The following SMOC2 variants were observed in gnomAD, a reference collection of about 807,000 sequenced individuals.
The protein encoded by SMOC2 is SPARC-related modular calcium-binding protein 2.
SMOC2 carries 39 observed loss-of-function variants against 61.4 expected under a neutral mutation model. That is an observed-to-expected ratio of 0.64 (90% CI 0.49 to 0.83). The LOEUF is 0.83. SMOC2 is among the 40% of genes least tolerant of loss of function. SMOC2 has a pLI of 0.00. For synonymous variants in SMOC2, 247 were observed against 239.9 expected, an observed-to-expected ratio of 1.03 and a Z score of -0.27; for missense variants, 556 against 592.9, an observed-to-expected ratio of 0.94 and a Z score of 0.65.
At chr6:168,547,642 A>G (rs1327215471) in intron 6 of SMOC2, among the ~76,000 whole-genome samples, 1 of 152,094 alleles carries the variant, frequency 6.6e-6, no homozygotes, top group African/African-American at 2.4e-5. Context: ...CCCTGAAGTA[A>G]CTGTGAGATG....
chr6:168,581,756 G>A (rs1006779205), intron 7 of SMOC2, among the ~76,000 whole-genome samples: 1 of 152,126 alleles, frequency 6.6e-6, no homozygotes, highest in Non-Finnish European at 1.5e-5. Flanking sequence ...CTGAAAAGCC[G>A]CAGACCTGCC....
intron 11 of SMOC2, among the ~76,000 whole-genome samples, chr6:168,660,612 G>A (rs993505051): frequency 1.4e-4 from 21 of 152,228 alleles, no homozygotes; most frequent in Non-Finnish European, 1.8e-4. Context: ...CCACCATGCC[G>A]CCCTGGGCGG....
intron 4 of SMOC2, among the ~76,000 whole-genome samples, chr6:168,533,797 T>A (rs1169969411): frequency 6.6e-6 from 1 of 152,130 alleles, no homozygotes; most frequent in East Asian, 1.9e-4. Context: ...GTGAAAGAAA[T>A]TTAAAAGAAA....
intron 1 of SMOC2, among the ~76,000 whole-genome samples, chr6:168,457,722 C>G (rs928274925): frequency 3.3e-5 from 5 of 152,154 alleles, no homozygotes; most frequent in African/African-American, 9.7e-5. Context: ...GGGGCTGGTC[C>G]TAATGGAAAT....
At chr6:168,552,897 C>T (rs938574311) in intron 7 of SMOC2, among the ~76,000 whole-genome samples, 12 of 150,812 alleles carry the variant, frequency 8.0e-5, no homozygotes, top group Admixed American at 3.3e-4. Context: ...CCTCACTGTC[C>T]TCCGAGATGC....
intron 4 of SMOC2, among the ~76,000 whole-genome samples, chr6:168,542,652 G>A (rs978421243): frequency 9.2e-5 from 14 of 152,070 alleles, no homozygotes; most frequent in African/African-American, 3.1e-4. Flanking sequence ...CTGTGACCTC[G>A]AGGCAGTGTC....
chr6:168,571,463 A>G (rs1281156256), intron 7 of SMOC2, among the ~76,000 whole-genome samples: 1 of 152,072 alleles, frequency 6.6e-6, no homozygotes, highest in Non-Finnish European at 1.5e-5. Flanking sequence ...GGACACAGGG[A>G]TCCTGAACGT....
intron 2 of SMOC2, among the ~76,000 whole-genome samples, chr6:168,519,813 C>T (rs1267720940): frequency 6.6e-6 from 1 of 152,196 alleles, no homozygotes; most frequent in African/African-American, 2.4e-5. Flanking sequence ...TGGGCATGAT[C>T]TGTGGTTTCT....
chr6:168,612,217 G>A (rs34031090), intron 9 of SMOC2, among the ~76,000 whole-genome samples: 29,087 of 134,198 alleles, frequency 0.22, 3,611 homozygotes, highest in Non-Finnish European at 0.23. Context: ...GATCTCCATC[G>A]GGGAGAGGGT....
chr6:168,580,079 G>T (rs1784888983), intron 7 of SMOC2, among the ~76,000 whole-genome samples: 1 of 147,616 alleles, frequency 6.8e-6, no homozygotes. Flanking sequence ...GTCTGTCTTT[G>T]TCACGGCTTA....
At chr6:168,571,350 C>G (rs1231077055) in intron 7 of SMOC2, among the ~76,000 whole-genome samples, 1 of 152,138 alleles carries the variant, frequency 6.6e-6, no homozygotes, top group Non-Finnish European at 1.5e-5. Flanking sequence ...GCACCTGTGC[C>G]GCCATGCCTG....
chr6:168,464,185 T>G (rs1342499179), intron 1 of SMOC2, among the ~76,000 whole-genome samples: 2 of 17,824 alleles, frequency 1.1e-4, no homozygotes, highest in Non-Finnish European at 1.7e-4. Flanking sequence ...AGCAAGACTG[T>G]CAAAAAAAAA....
intron 9 of SMOC2, among the ~76,000 whole-genome samples, chr6:168,648,821 G>T (rs1583186211): frequency 1.3e-5 from 2 of 152,336 alleles, no homozygotes; most frequent in Admixed American, 6.5e-5. Context: ...CAGCTCACGT[G>T]TGCTTCAAGA....
rs547956149 is a variant in SMOC2 at position 168,501,128 on chromosome 6, T to C, written c.85-8787T>C. ...CGTTGTCATTGCCAGAGATAATTAT[T>C]GCATTAATGTAACACCATCCTCATC... On this transcript the variant is annotated intron_variant, in intron 1 of 12. Coordinates refer to ENST00000356284, the MANE Select transcript of SMOC2 (RefSeq NM_001166412.2). Among the ~76,000 whole-genome samples, 62 of 152,316 alleles carry C rather than the reference T, an allele frequency of 4.1e-4. 1 individual carries two copies. The highest frequency in any genetic ancestry group is 1.4e-3 in the African/African-American group (58 of 41,564).
At chr6:168,513,859 C>A (rs573668724) in intron 2 of SMOC2, among the ~76,000 whole-genome samples, 1 of 152,330 alleles carries the variant, frequency 6.6e-6, no homozygotes, top group South Asian at 2.1e-4. Flanking sequence ...TGGGAAGTGA[C>A]TGGCCTGCTT....
chr6:168,607,213 C>T (rs1785720138), intron 8 of SMOC2, among the ~76,000 whole-genome samples: 1 of 152,020 alleles, frequency 6.6e-6, no homozygotes, highest in Admixed American at 6.5e-5. Flanking sequence ...GGCAGGTTCT[C>T]ATGGTGGCCC....
intron 1 of SMOC2, among the ~76,000 whole-genome samples, chr6:168,481,225 C>T (rs1299386084): frequency 6.6e-6 from 1 of 152,028 alleles, no homozygotes; most frequent in Non-Finnish European, 1.5e-5. Flanking sequence ...ATTTTGTTTC[C>T]TACACAATTT....
chr6:168,606,804 T>G (rs1296335750), intron 8 of SMOC2, among the ~76,000 whole-genome samples: 1 of 152,026 alleles, frequency 6.6e-6, no homozygotes, highest in African/African-American at 2.4e-5. Flanking sequence ...CCAAGGAGTC[T>G]TTCTGGAGCC....
At chr6:168,511,033 C>T (rs747297091) in intron 2 of SMOC2, among the ~76,000 whole-genome samples, 2 of 152,104 alleles carry the variant, frequency 1.3e-5, no homozygotes, top group African/African-American at 2.4e-5. Context: ...TGTTGGATGG[C>T]GCTTGATATT....
Sources: allele counts gnomAD v4.1 joint callset (sites outside exome capture counted in the v4.1 genomes callset), GRCh38; gene constraint gnomAD v4.1.1; transcripts MANE v1.5; gene names NCBI Gene and HGNC (gene_info 2026-07-23, HGNC 2026-07-21).